Variants in CUL1 observed in about 807,000 individuals in gnomAD.
CUL1 encodes cullin 1, also known as cullin-1.
In CUL1, 24 loss-of-function variants were observed where a neutral mutation model predicts 118.0. That is an observed-to-expected ratio of 0.20 (90% CI 0.15 to 0.29). The LOEUF (loss-of-function observed/expected upper bound fraction) is 0.29. Ranked by LOEUF, CUL1 falls within the 10% of genes least tolerant of loss-of-function variation. The pLI, the probability that CUL1 is intolerant of heterozygous loss-of-function variation, is 1.00. For synonymous variants in CUL1, 332 were observed against 340.4 expected, an observed-to-expected ratio of 0.98 and a Z score of 0.27; for missense variants, 361 against 933.8, an observed-to-expected ratio of 0.39 and a Z score of 7.99.
chr7:148,752,240 G>A (rs1799513765), intron 2 of CUL1, among the ~76,000 whole-genome samples: 2 of 152,164 alleles, frequency 1.3e-5, no homozygotes, highest in South Asian at 4.1e-4. Context: ...AGGAAGGAGT[G>A]GGATGAAAGA....
chr7:148,793,190 T>C (rs1426646210), intron 17 of CUL1, among the ~76,000 whole-genome samples: 2 of 152,170 alleles, frequency 1.3e-5, no homozygotes, highest in Non-Finnish European at 2.9e-5. Flanking sequence ...CACACACACA[T>C]ACTCCTCATC....
rs575995741 is a variant in CUL1 at position 148,787,951 on chromosome 7, G to T, written c.1480-606G>T. ...ATGACGGAATACCATAGACCAGGTAGCTTAAACAACAGAAATAGTTTCTCA... is the reference window on the plus strand; with the variant it reads ...ATGACGGAATACCATAGACCAGGTATCTTAAACAACAGAAATAGTTTCTCA... On this transcript the variant is annotated intron_variant, in intron 13 of 21. Transcript: ENST00000325222. The surrounding 1 kb of genome is among the most constrained non-coding windows in gnomAD (Gnocchi z 5.5). 2.0e-4 allele frequency among the ~76,000 whole-genome samples: 30 copies of T among 152,338 alleles called. No individual in the cohort carries two copies. The East Asian group carries it at 5.8e-3, about 29-fold the overall frequency.
At chr7:148,792,263 G>C (rs1801041079) in intron 16 of CUL1, among the ~76,000 whole-genome samples, 1 of 151,614 alleles carries the variant, frequency 6.6e-6, no homozygotes, top group South Asian at 2.1e-4. Context: ...TCATAGTAAA[G>C]TACTTAGGAT....
At chr7:148,699,180 CAGAATGGCGGCCGGGCCGGGG>C (rs1797624822) in intron 1 of CUL1, among the ~76,000 whole-genome samples, 151 bp downstream of exon 1, 1 of 151,558 alleles carries the variant, frequency 6.6e-6, no homozygotes, top group Non-Finnish European at 1.5e-5. Flanking sequence ...CGCGGCCGGG[CAGAATGGCGGCCGGGCCGGGG>C]GACTCGTGGG....
At chr7:148,743,181 C>G (rs188892255) in intron 2 of CUL1, among the ~76,000 whole-genome samples, 27 of 152,210 alleles carry the variant, frequency 1.8e-4, no homozygotes, top group African/African-American at 5.8e-4. Flanking sequence ...TTCAGTGGCC[C>G]AGAAAATAGC....
In CUL1 at chr7:148,788,042, T is replaced by C. The variant is rs138353839; in HGVS notation, c.1480-515T>C. 5.8e-3 allele frequency among the ~76,000 whole-genome samples: 877 copies of C among 152,344 alleles called. 7 individuals are homozygous for C. Among genetic ancestry groups the C allele is most frequent in the South Asian group, 0.021 (99 of 4,826 alleles). On this transcript the variant is annotated intron_variant, in intron 13 of 21. Transcript: ENST00000325222. ...GATTCGGTTCCTGGTGCAGGCCCTC[T>C]TCCTGCTTTGTAGGCAGCCACCTTC...
chr7:148,752,119 A>T (rs951709684), intron 2 of CUL1, among the ~76,000 whole-genome samples: 3 of 152,224 alleles, frequency 2.0e-5, no homozygotes, highest in African/African-American at 7.2e-5. Context: ...CTCAAAAAAA[A>T]CAAAACAAAA....
chr7:148,712,359 ACT>A (rs892343256), intron 1 of CUL1, among the ~76,000 whole-genome samples: 2 of 152,168 alleles, frequency 1.3e-5, no homozygotes, highest in Admixed American at 6.5e-5. Flanking sequence ...GGAAAATTTA[ACT>A]CTGTCACAGC....
intron 1 of CUL1, among the ~76,000 whole-genome samples, chr7:148,703,633 A>G (rs561448586): frequency 6.5e-4 from 99 of 151,936 alleles, no homozygotes; most frequent in African/African-American, 2.4e-3. Flanking sequence ...CCTGGGTTCA[A>G]GCGCTTCTCC....
At chr7:148,764,875 A>G (rs1799953562) in intron 7 of CUL1, among the ~76,000 whole-genome samples, 1 of 152,228 alleles carries the variant, frequency 6.6e-6, no homozygotes, top group African/African-American at 2.4e-5. Flanking sequence ...GAATCATGGT[A>G]TAGGTTTTTC....
At chr7:148,736,169 G>A (rs1300297684) in intron 2 of CUL1, among the ~76,000 whole-genome samples, 1 of 152,180 alleles carries the variant, frequency 6.6e-6, no homozygotes, top group Non-Finnish European at 1.5e-5. Context: ...GTGAGACCCT[G>A]TTTTTACCTA....
At chr7:148,742,994 C>T (rs1799194625) in intron 2 of CUL1, among the ~76,000 whole-genome samples, 1 of 152,154 alleles carries the variant, frequency 6.6e-6, no homozygotes, top group African/African-American at 2.4e-5. Flanking sequence ...TATGTTGTAT[C>T]TTCATTACCA....
chr7:148,799,258 C>T lies in CUL1; in HGVS notation c.2137-17C>T. The T allele has an allele frequency of 6.3e-7, 1 of 1,594,566 alleles. No individual in the cohort carries two copies. The highest frequency in any genetic ancestry group is 1.3e-5 in the African/African-American group (1 of 74,440). On this transcript the variant is annotated splice_polypyrimidine_tract_variant and intron_variant, in intron 20 of 21. Coordinates refer to ENST00000325222, the MANE Select transcript of CUL1 (RefSeq NM_003592.3). ...ACAGCTCTAAATGCACTTCTTTTTCCTTATCTTGTTGCATAGGCGGCCATC... is the reference window on the plus strand; with the variant it reads ...ACAGCTCTAAATGCACTTCTTTTTCTTTATCTTGTTGCATAGGCGGCCATC...
chr7:148,792,834 G>A lies in CUL1; in HGVS notation c.1899+16G>A. 1.3e-6 allele frequency: 2 copies of A among 1,586,472 alleles called. No homozygotes were observed. The highest frequency in any genetic ancestry group is 1.1e-5 in the South Asian group (1 of 88,836). On this transcript the variant is annotated intron_variant, in intron 17 of 21. Coordinates refer to ENST00000325222, the MANE Select transcript of CUL1 (RefSeq NM_003592.3). ...AATTAAAATGGTATTCTCATCTCAG[G>A]CTCGTTGTTCTATCAGCTTGCCGTT...
chr7:148,729,953 C>T lies in CUL1; in HGVS notation c.-161-9C>T. The T allele has an allele frequency of 2.8e-6, 2 of 723,734 alleles. No individual in the cohort carries two copies. Among genetic ancestry groups the T allele is most frequent in the East Asian group, 2.7e-5 (1 of 37,494 alleles). 44.8% of individuals were successfully genotyped at this position (723,734 alleles called of 1,614,324 possible). A position where few individuals can be genotyped will look rare whatever the true frequency, so the allele number is the denominator to read the frequency against. On this transcript the variant is annotated splice_polypyrimidine_tract_variant and intron_variant, in intron 1 of 21. Transcript: ENST00000325222. ...GACAATCCACTGATTCTCTTTATTT[C>T]TTCCTCAGGTTTGCCTGCAATGAGA...
intron 11 of CUL1, 76 bp downstream of exon 11, chr7:148,784,153 T>C (rs1284345796): frequency 9.1e-7 from 1 of 1,093,906 alleles, no homozygotes; most frequent in East Asian, 2.4e-5. Context: ...AAAACCTACA[T>C]TACATTTTAC....
At chr7:148,736,452 C>T (rs900707154) in intron 2 of CUL1, among the ~76,000 whole-genome samples, 10 of 152,016 alleles carry the variant, frequency 6.6e-5, no homozygotes, top group Admixed American at 2.6e-4. Flanking sequence ...TGACTGCAGG[C>T]GCACACCACC....
chr7:148,737,580 TTATTTATTTA>T (rs1798997771), intron 2 of CUL1, among the ~76,000 whole-genome samples: 1 of 67,516 alleles, frequency 1.5e-5, no homozygotes, highest in Non-Finnish European at 2.5e-5. Flanking sequence ...ATTTTTATAT[TTATTTATTTA>T]TTTATTTATT....
intron 1 of CUL1, among the ~76,000 whole-genome samples, chr7:148,714,576 C>T (rs1798151931): frequency 6.6e-6 from 1 of 152,190 alleles, no homozygotes; most frequent in Non-Finnish European, 1.5e-5. Flanking sequence ...ACCAATGTCC[C>T]TTCTAAGAGA....
Sources: gnomAD v4.1 joint callset for allele counts (sites outside exome capture counted in the v4.1 genomes callset) on GRCh38, gnomAD v4.1.1 for gene constraint, Gnocchi (gnomAD v3.1) non-coding constraint, MANE v1.5 for transcripts, NCBI Gene and HGNC (gene_info 2026-07-23, HGNC 2026-07-21) for gene names.